HEATR6: variants seen among roughly 807,000 people sequenced by gnomAD.
HEATR6 encodes the protein HEAT repeat-containing protein 6.
A neutral mutation model predicts 132.8 loss-of-function variants in HEATR6; 106 were observed. The observed-to-expected ratio is 0.80, with a 90% CI of 0.68 to 0.94. The LOEUF is 0.94. Ranked by LOEUF, HEATR6 falls within the 40% of genes least tolerant of loss-of-function variation. HEATR6 has a pLI of 0.00. For missense variants in HEATR6, 1,339 were observed against 1,425.1 expected (o/e 0.94, Z 0.97); for synonymous variants, 529 against 537.8 (o/e 0.98, Z 0.23).
chr17:60,061,808 C>T (rs898219174), intron 9 of HEATR6, among the ~76,000 whole-genome samples: 4 of 152,280 alleles, frequency 2.6e-5, no homozygotes, highest in Non-Finnish European at 4.4e-5. Context: ...CCAATCCCTA[C>T]TAGAGGCTCG....
chr17:60,066,306 T>A lies in HEATR6; in HGVS notation c.1319A>T (p.Tyr440Phe). 2.5e-6 allele frequency: 4 copies of A among 1,613,826 alleles called. No individual in the cohort carries two copies. The highest frequency in any genetic ancestry group is 2.5e-6 in the Non-Finnish European group (3 of 1,179,834). ...TIKSIEKKVLYGYWSAFIPDT... is the reference protein window; with the variant it reads ...TIKSIEKKVLFGYWSAFIPDT... ...AGGAATAAAAGCTGACCAGTAGCCA[T>A]AAAGAACTTTTTTTTCTATCGATTT... Residue 440 changes from tyrosine to phenylalanine, a missense_variant, in exon 9 of 20, where the codon TAT (tyrosine) becomes TTT (phenylalanine). Tyr to Phe is a conservative substitution (Grantham distance 22). Transcript: ENST00000184956.
intron 16 of HEATR6, among the ~76,000 whole-genome samples, chr17:60,049,311 G>A (rs1158867172): frequency 1.3e-5 from 2 of 151,422 alleles, no homozygotes; most frequent in East Asian, 1.9e-4. Context: ...AAAATTTTTT[G>A]TAGAGACAGG....
At chr17:60,046,309 C>T in intron 18 of HEATR6, 80 bp from the exon 19 acceptor site, 1 of 1,108,590 alleles carries the variant, frequency 9.0e-7, no homozygotes, top group Non-Finnish European at 1.3e-6. Context: ...TTTAAAAAAA[C>T]CCAGGAGGTC....
chr17:60,075,212 T>C (rs899163083), intron 2 of HEATR6, among the ~76,000 whole-genome samples: 9 of 152,156 alleles, frequency 5.9e-5, no homozygotes, highest in East Asian at 1.9e-4. Context: ...ATGTCCAGAA[T>C]TGGCACAGCC....
intron 2 of HEATR6, 88 bp downstream of exon 2, chr17:60,076,041 AT>A: frequency 1.3e-6 from 1 of 744,472 alleles, no homozygotes; most frequent in South Asian, 1.6e-5. Context: ...AAAACAGCCT[AT>A]CATACCTACT....
intron 2 of HEATR6, among the ~76,000 whole-genome samples, chr17:60,075,184 T>A (rs190638726): frequency 1.3e-5 from 2 of 152,326 alleles, no homozygotes; most frequent in East Asian, 3.9e-4. Context: ...TGAACAGTAA[T>A]CATTTCTTTG....
intron 4 of HEATR6, 35 bp downstream of exon 4, chr17:60,073,129 T>C: frequency 7.9e-7 from 1 of 1,263,738 alleles, no homozygotes; most frequent in African/African-American, 1.5e-5. Flanking sequence ...GGCACTATCT[T>C]ATTACCATTG....
chr17:60,068,365 C>T (rs1392122235), intron 7 of HEATR6, among the ~76,000 whole-genome samples: 1 of 151,744 alleles, frequency 6.6e-6, no homozygotes, highest in Admixed American at 6.6e-5. Flanking sequence ...CTGTGTCTTC[C>T]TCCACGTTCT....
intron 16 of HEATR6, among the ~76,000 whole-genome samples, chr17:60,048,971 AC>A (rs1396249841): frequency 0.011 from 1,184 of 106,432 alleles, 23 homozygotes; most frequent in African/African-American, 0.042. Context: ...AAAATAAATA[AC>A]ATATATATAT....
At position 60,044,017 on chromosome 17, in the gene HEATR6, T is replaced by C. The variant is rs1464817216; in HGVS notation, c.3092A>G (p.Glu1031Gly). 1 of 1,614,142 alleles carries C rather than the reference T, an allele frequency of 6.2e-7. No individual in the cohort carries two copies. Among genetic ancestry groups the C allele is most frequent in the South Asian group, 1.1e-5 (1 of 91,080 alleles). Residue 1031 changes from glutamate to glycine, a missense_variant, in exon 20 of 20, where the codon GAG (glutamate) becomes GGG (glycine). Physicochemically the swap from Glu to Gly is moderately conservative, Grantham distance 98. Coordinates refer to ENST00000184956, the MANE Select transcript of HEATR6 (RefSeq NM_022070.5). ...AAALSVPGKREQYGSVDQYAR... is the reference protein window; with the variant it reads ...AAALSVPGKRGQYGSVDQYAR... ...ATACTGGTCAACAGACCCGTACTGC[T>C]CTCTCTTCCCCGGGACGGAAAGGGC... is the stretch of plus-strand genomic sequence containing the variant.
intron 9 of HEATR6, chr17:60,063,131 C>T (rs1041116172): frequency 1.3e-5 from 2 of 152,246 alleles, no homozygotes; most frequent in Non-Finnish European, 2.9e-5. Flanking sequence ...ATTGCCTGTT[C>T]TTGGCTGGCC....
At chr17:60,072,406 C>T in intron 4 of HEATR6, 77 bp from the exon 5 acceptor site, 1 of 727,172 alleles carries the variant, frequency 1.4e-6, no homozygotes, top group Middle Eastern at 2.4e-4. Flanking sequence ...TTAAAAATAG[C>T]AGTAATATAG....
chr17:60,065,032 A>G (rs2083232836), intron 9 of HEATR6, among the ~76,000 whole-genome samples: 1 of 152,024 alleles, frequency 6.6e-6, no homozygotes, highest in Non-Finnish European at 1.5e-5. Context: ...CTTCAAATAT[A>G]TATTTTCAAT....
At position 60,050,933 on chromosome 17, in the gene HEATR6, T is replaced by C. The variant is rs754164447; in HGVS notation, c.2334A>G (p.Arg778=). Residue 778 remains arginine, a synonymous_variant, in exon 15 of 20, where the codon AGA becomes AGG. Transcript: ENST00000184956. ...WTMMLNGPLP[R]ALQNSEHPTL... is the part of the protein sequence containing the mutation. ...TTGGGTGTTCTGAATTCTGCAGGGC[T>C]CTGGGTAAAGGACCGTTCAGCATCA... The C allele has an allele frequency of 4.3e-6, 7 of 1,614,034 alleles. No individual in the cohort carries two copies. The highest frequency in any genetic ancestry group is 1.3e-5 in the African/African-American group (1 of 74,910).
At chr17:60,067,035 C>T (rs1486500494) in intron 8 of HEATR6, among the ~76,000 whole-genome samples, 1 of 152,080 alleles carries the variant, frequency 6.6e-6, no homozygotes, top group Non-Finnish European at 1.5e-5. Flanking sequence ...CTTTGGGAGG[C>T]CGAGGCGGGC....
In HEATR6 at chr17:60,043,642, C is replaced by A. The variant is rs761191743; in HGVS notation, c.3467G>T (p.Gly1156Val). 1.9e-6 allele frequency: 3 copies of A among 1,614,018 alleles called. No individual in the cohort carries two copies. The highest frequency in any genetic ancestry group is 1.7e-6 in the Non-Finnish European group (2 of 1,180,042). Residue 1156 changes from glycine to valine, a missense_variant, in exon 20 of 20, where the codon GGC becomes GTC. Transcript: ENST00000184956. ...AACGGCCAGGATCTCTTCTAAAAAGCCCATGATGGCCCTTCTGGCTGTGTC... is the reference window on the plus strand; with the variant it reads ...AACGGCCAGGATCTCTTCTAAAAAGACCATGATGGCCCTTCTGGCTGTGTC... ...TGDTARRAIM[G>V]FLEEILAVCF...
rs796548594 is a variant in HEATR6, at chr17:60,042,392, C to T, written c.*1171G>A. Among the ~76,000 whole-genome samples, 172 of 139,398 alleles carry T rather than the reference C, an allele frequency of 1.2e-3. 2 individuals are homozygous for T. Among genetic ancestry groups the T allele is most frequent in the African/African-American group, 4.2e-3 (139 of 33,316 alleles). The allele number at this position is 139,398 out of a possible 152,430, so 91.5% of individuals were successfully genotyped here. On this transcript the variant is annotated 3_prime_UTR_variant, in exon 20 of 20. Transcript: ENST00000184956. ...GGCTGTGAGGCACTGTCAGCATCCT[C>T]GCGTCCTGTGCGGCTGTGAGGCACT...
At chr17:60,054,558 T>C (rs372791055) in intron 14 of HEATR6, among the ~76,000 whole-genome samples, 1 of 152,370 alleles carries the variant, frequency 6.6e-6, no homozygotes, top group South Asian at 2.1e-4. Context: ...ATGCGGGACA[T>C]GGAGTCAAGG....
At chr17:60,047,155 C>T (rs1475175315) in intron 18 of HEATR6, among the ~76,000 whole-genome samples, 154 bp downstream of exon 18, 1 of 152,072 alleles carries the variant, frequency 6.6e-6, no homozygotes, top group Non-Finnish European at 1.5e-5. Flanking sequence ...TGGAATGGGC[C>T]ATTTATACCC....
Sources: allele counts gnomAD v4.1 joint callset (sites outside exome capture counted in the v4.1 genomes callset), GRCh38; gene constraint gnomAD v4.1.1; transcripts MANE v1.5; gene names NCBI Gene and HGNC (gene_info 2026-07-23, HGNC 2026-07-21).